Variants in PPARGC1A observed in about 807,000 individuals in gnomAD.
PPARGC1A encodes the protein PPARG coactivator 1 alpha.
A neutral mutation model predicts 88.7 loss-of-function variants in PPARGC1A; 25 were observed. That is an observed-to-expected ratio of 0.28 (90% CI 0.21 to 0.39). The LOEUF (loss-of-function observed/expected upper bound fraction) is 0.39. Among genes scored for constraint, PPARGC1A ranks in the 10% least tolerant of loss-of-function variants. The pLI, the probability that PPARGC1A is intolerant of heterozygous loss-of-function variation, is 1.00. For missense variants in PPARGC1A, 880 were observed against 968.7 expected, an observed-to-expected ratio of 0.91 and a Z score of 1.22; for synonymous variants, 363 against 355.6, an observed-to-expected ratio of 1.02 and a Z score of -0.24.
the PPARGC1A span, among the ~76,000 whole-genome samples, chr4:24,159,617 A>T: frequency 6.6e-6 from 1 of 152,142 alleles, no homozygotes; most frequent in African/African-American, 2.4e-5. Flanking sequence ...CTTTCCTATA[A>T]TAGTTATTGT....
chr4:24,339,227 T>TACACACAC, the PPARGC1A span, among the ~76,000 whole-genome samples: 1 of 89,652 alleles, frequency 1.1e-5, no homozygotes, highest in African/African-American at 3.6e-5. Flanking sequence ...TATATATATA[T>TACACACAC]ATATATATAT....
chr4:24,093,222 A>G, the PPARGC1A span, among the ~76,000 whole-genome samples: 26 of 152,318 alleles, frequency 1.7e-4, no homozygotes, highest in African/African-American at 6.0e-4. Context: ...GGTCTACTCA[A>G]TGCTACTCGA....
chr4:24,424,356 A>G, the PPARGC1A span, among the ~76,000 whole-genome samples: 3 of 130,988 alleles, frequency 2.3e-5, no homozygotes, highest in Non-Finnish European at 3.1e-5. Flanking sequence ...GCTCACTGCA[A>G]GCTCCACCTC....
the PPARGC1A span, among the ~76,000 whole-genome samples, chr4:24,269,533 C>G: frequency 2.6e-5 from 4 of 152,068 alleles, no homozygotes; most frequent in Admixed American, 6.6e-5. Flanking sequence ...TAGAGAGAAC[C>G]TCTCCACATC....
chr4:24,444,669 T>C, the PPARGC1A span, among the ~76,000 whole-genome samples: 2 of 152,180 alleles, frequency 1.3e-5, no homozygotes, highest in African/African-American at 4.8e-5. Context: ...ATTGGCCTCC[T>C]AGCAAAGACC....
At chr4:24,241,103 T>A in the PPARGC1A span, among the ~76,000 whole-genome samples, 1 of 152,246 alleles carries the variant, frequency 6.6e-6, no homozygotes, top group South Asian at 2.1e-4. Flanking sequence ...CTTTTAAGCA[T>A]GTCTCTCCTG....
chr4:24,465,898 C>T, the PPARGC1A span, among the ~76,000 whole-genome samples: 10 of 152,204 alleles, frequency 6.6e-5, no homozygotes, highest in African/African-American at 1.9e-4. Context: ...GTAGCACAAG[C>T]GGAAAGTGAC....
chr4:23,954,791 C>T, the PPARGC1A span, among the ~76,000 whole-genome samples: 1 of 151,856 alleles, frequency 6.6e-6, no homozygotes, highest in Non-Finnish European at 1.5e-5. Flanking sequence ...TCTCTATTTT[C>T]TAACTCTTAA....
the PPARGC1A span, among the ~76,000 whole-genome samples, chr4:23,991,595 C>T: frequency 6.6e-6 from 1 of 152,034 alleles, no homozygotes; most frequent in African/African-American, 2.4e-5. Flanking sequence ...AAATCCTGCT[C>T]TTGAACTTGA....
the PPARGC1A span, among the ~76,000 whole-genome samples, chr4:24,060,023 C>A: frequency 6.6e-6 from 1 of 152,186 alleles, no homozygotes; most frequent in Non-Finnish European, 1.5e-5. Context: ...CACCAGGCAC[C>A]AGAGAGCACT....
the PPARGC1A span, among the ~76,000 whole-genome samples, chr4:24,239,643 T>C: frequency 6.6e-6 from 1 of 152,132 alleles, no homozygotes; most frequent in African/African-American, 2.4e-5. Flanking sequence ...GGGAAAATAG[T>C]GCATAGGCAG....
chr4:24,183,321 T>C, the PPARGC1A span, among the ~76,000 whole-genome samples: 4 of 152,182 alleles, frequency 2.6e-5, no homozygotes, highest in Non-Finnish European at 1.5e-5. Context: ...CACAGGGTAC[T>C]CACTAAGTTA....
chr4:23,862,242 G>A (rs1731337877), intron 2 of PPARGC1A, among the ~76,000 whole-genome samples: 1 of 152,214 alleles, frequency 6.6e-6, no homozygotes, highest in African/African-American at 2.4e-5. Context: ...ACAAAGTCAG[G>A]TCAAGTCTCT....
chr4:24,472,033 G>A, the PPARGC1A span, among the ~76,000 whole-genome samples: 8 of 152,114 alleles, frequency 5.3e-5, no homozygotes, highest in African/African-American at 1.9e-4. The surrounding 1 kb of genome is among the most constrained non-coding windows in gnomAD (Gnocchi z 4.5). Flanking sequence ...CTTGGGGAAG[G>A]TTGCGCTCGA....
chr4:24,233,074 C>A, the PPARGC1A span, among the ~76,000 whole-genome samples: 1 of 151,154 alleles, frequency 6.6e-6, no homozygotes, highest in Non-Finnish European at 1.5e-5. Context: ...CACTGCCTGC[C>A]TTGGGCCCCC....
the PPARGC1A span, among the ~76,000 whole-genome samples, chr4:24,156,118 C>T: frequency 6.6e-6 from 1 of 152,100 alleles, no homozygotes. Context: ...AACTGAGCCC[C>T]AAAGACAGGT....
chr4:24,214,244 T>G, the PPARGC1A span, among the ~76,000 whole-genome samples: 31 of 152,306 alleles, frequency 2.0e-4, no homozygotes, highest in Admixed American at 1.8e-3. Context: ...AATTATCTAC[T>G]TCTAAGCACT....
At chr4:24,018,836 T>C in the PPARGC1A span, among the ~76,000 whole-genome samples, 1 of 152,176 alleles carries the variant, frequency 6.6e-6, no homozygotes, top group Admixed American at 6.5e-5. Context: ...CATTTTAAAG[T>C]TTTCTTTTTT....
At chr4:24,325,241 T>G in the PPARGC1A span, among the ~76,000 whole-genome samples, 1 of 152,128 alleles carries the variant, frequency 6.6e-6, no homozygotes, top group Non-Finnish European at 1.5e-5. Context: ...CAATATACAT[T>G]TTATTACCCA....
Sources: gnomAD v4.1 joint callset for allele counts (sites outside exome capture counted in the v4.1 genomes callset) on GRCh38, gnomAD v4.1.1 for gene constraint, Gnocchi (gnomAD v3.1) non-coding constraint, MANE v1.5 for transcripts, NCBI Gene and HGNC (gene_info 2026-07-23, HGNC 2026-07-21) for gene names.